Variants in NCOR2 observed in about 807,000 individuals in gnomAD.
NCOR2 encodes nuclear receptor corepressor 2, also known as CTG repeat protein 26.
A neutral mutation model predicts 262.9 loss-of-function variants in NCOR2; 81 were observed. The ratio of observed to expected loss-of-function variants is 0.31; its 90% confidence interval spans 0.26 to 0.37. NCOR2 has a LOEUF of 0.37. NCOR2 is among the 10% of genes least tolerant of loss of function. NCOR2 has a pLI of 1.00. For missense variants in NCOR2, 3,385 were observed against 3,621.4 expected (o/e 0.93, Z 1.68); for synonymous variants, 1,659 against 1,559.3 (o/e 1.06, Z -1.51).
At chr12:124,359,679 G>A (rs1566393890) in intron 22 of NCOR2, among the ~76,000 whole-genome samples, 1 of 152,244 alleles carries the variant, frequency 6.6e-6, no homozygotes, top group Admixed American at 6.5e-5. Context: ...AGTTGGGAGA[G>A]AGAGGAGGGG....
Position 124,449,896 on chromosome 12 carries a change from G to A in NCOR2, c.763-29C>T, listed in dbSNP as rs746774041. ...CAAAGGGAGAGAGAGAAGCACATCA[G>A]AGCCTGGCTGGCCACTCGCCACTAC... On this transcript the variant is annotated intron_variant, in intron 6 of 46. Coordinates refer to ENST00000405201, the Ensembl canonical transcript of NCOR2. The A allele has an allele frequency of 3.1e-6, 5 of 1,610,838 alleles. No individual in the cohort carries two copies. In the Admixed American group the frequency reaches 8.4e-5, roughly 27 times the overall value.
intron 44 of NCOR2, 171 bp from the exon 47 acceptor site, chr12:124,327,804 T>G: frequency 1.6e-6 from 1 of 607,260 alleles, no homozygotes; most frequent in Non-Finnish European, 2.9e-6. Context: ...TATTTCCCTA[T>G]CCCTCCCCAC....
At chr12:124,495,317 G>A, upstream of NCOR2, 2 of 1,529,306 alleles carry the variant, frequency 1.3e-6, no homozygotes, top group Non-Finnish European at 1.8e-6. This position sits in a 1 kb window ranked among gnomAD's most constrained non-coding sequence, Gnocchi z 4.4. Context: ...CACCACCAAG[G>A]ATTAAAAGCC....
intron 1 of NCOR2, among the ~76,000 whole-genome samples, chr12:124,492,495 C>T (rs2048142640): frequency 2.0e-5 from 3 of 152,142 alleles, no homozygotes; most frequent in African/African-American, 7.2e-5. Flanking sequence ...AGGAGGTAGG[C>T]CTGTCGGGAG....
chr12:124,556,167 G>A (rs1439932479), intron 1 of NCOR2: 3 of 152,480 alleles, frequency 2.0e-5, no homozygotes, highest in Non-Finnish European at 4.4e-5. Flanking sequence ...AGCAAGGGGT[G>A]GTCACGGCCA....
intron 20 of NCOR2, among the ~76,000 whole-genome samples, chr12:124,364,251 T>G (rs1397043216): frequency 6.6e-6 from 1 of 152,182 alleles, no homozygotes; most frequent in Non-Finnish European, 1.5e-5. Context: ...ATCAGCCCGA[T>G]TCAGGGACAG....
At chr12:124,563,344 G>A (rs537310653) in intron 1 of NCOR2, among the ~76,000 whole-genome samples, 1 of 152,366 alleles carries the variant, frequency 6.6e-6, no homozygotes, top group Admixed American at 6.5e-5. Context: ...GGGCAGGGCA[G>A]TGTGGAAGTG....
chr12:124,402,697 A>T (rs1475058005), intron 13 of NCOR2, 136 bp from the exon 16 acceptor site: 22 of 1,470,072 alleles, frequency 1.5e-5, no homozygotes, highest in Non-Finnish European at 1.9e-5. Flanking sequence ...AAGAGGTCAT[A>T]AACAACCGGG....
chr12:124,381,934 C>T (rs984859545), intron 17 of NCOR2, among the ~76,000 whole-genome samples: 4 of 152,238 alleles, frequency 2.6e-5, no homozygotes, highest in East Asian at 1.9e-4. Flanking sequence ...CCCGCCCGCC[C>T]GGCCGCCGGA....
chr12:124,502,143 G>A (rs1033664897), intron 1 of NCOR2, among the ~76,000 whole-genome samples: 4 of 152,222 alleles, frequency 2.6e-5, no homozygotes, highest in Non-Finnish European at 4.4e-5. Flanking sequence ...CCTGAGATGC[G>A]GAAAGCCGGT....
At chr12:124,336,867 G>C in exon 38 of NCOR2, 1 of 1,611,166 alleles carries the variant, frequency 6.2e-7, no homozygotes, top group South Asian at 1.1e-5. Flanking sequence ...GCGTGGTGAG[G>C]TGCGAGGTTC....
chr12:124,364,415 A>G (rs1030910006), intron 20 of NCOR2, among the ~76,000 whole-genome samples: 5 of 152,206 alleles, frequency 3.3e-5, no homozygotes, highest in Non-Finnish European at 4.4e-5. Context: ...TCTCCCACAC[A>G]CTATCCACGA....
intron 26 of NCOR2, 95 bp from the exon 29 acceptor site, chr12:124,354,291 A>T: frequency 7.7e-7 from 1 of 1,307,160 alleles, no homozygotes; most frequent in Non-Finnish European, 1.1e-6. Flanking sequence ...GAGACCCACA[A>T]GTTGTGCTAG....
chr12:124,380,401 C>T (rs1593292260), intron 17 of NCOR2, among the ~76,000 whole-genome samples: 1 of 152,376 alleles, frequency 6.6e-6, no homozygotes, highest in East Asian at 1.9e-4. Flanking sequence ...TTTCCGACAC[C>T]AACAGTCGGC....
At chr12:124,515,323 G>A (rs540029281) in intron 1 of NCOR2, among the ~76,000 whole-genome samples, 110 of 151,676 alleles carry the variant, frequency 7.3e-4, no homozygotes, top group African/African-American at 2.4e-3. Flanking sequence ...AGCTGAGATC[G>A]TGCCACTGCA....
intron 1 of NCOR2, among the ~76,000 whole-genome samples, chr12:124,516,767 C>T (rs977506721): frequency 2.0e-5 from 3 of 151,526 alleles, no homozygotes; most frequent in Non-Finnish European, 2.9e-5. Context: ...TAAATACCAT[C>T]GCCCTGAGAT....
At chr12:124,448,945 GC>G (rs2045356737) in intron 7 of NCOR2, among the ~76,000 whole-genome samples, 1 of 152,136 alleles carries the variant, frequency 6.6e-6, no homozygotes, top group Non-Finnish European at 1.5e-5. Context: ...ACATTCAACA[GC>G]TATGATCCTG....
rs1055710168 is a variant in NCOR2, at chr12:124,523,383, G to T, written c.-118+12182C>A. Reference sequence around the variant, plus strand: ...GGGAACCCACACCCCGGTGGCAGGGGCAGCGGCAGAGGAAAGAGGAGTGCC... The same window carrying T: ...GGGAACCCACACCCCGGTGGCAGGGTCAGCGGCAGAGGAAAGAGGAGTGCC... On this transcript the variant is annotated intron_variant, in intron 1 of 46. Transcript: ENST00000404621. The surrounding 1 kb of genome is among the most constrained non-coding windows in gnomAD (Gnocchi z 4.0). Among the ~76,000 whole-genome samples the T allele has an allele frequency of 1.3e-5, 2 of 152,162 alleles. No homozygotes were observed. The highest frequency in any genetic ancestry group is 2.9e-5 in the Non-Finnish European group (2 of 68,028).
chr12:124,388,811 G>A (rs1164023270), intron 16 of NCOR2: 4 of 1,298,796 alleles, frequency 3.1e-6, no homozygotes, highest in Non-Finnish European at 4.1e-6. Context: ...CGAGGCTGCT[G>A]GTTGGCGTCT....
Sources: allele counts gnomAD v4.1 joint callset (sites outside exome capture counted in the v4.1 genomes callset), GRCh38; gene constraint gnomAD v4.1.1; non-coding constraint Gnocchi (gnomAD v3.1); transcripts MANE v1.5; gene names NCBI Gene and HGNC (gene_info 2026-07-23, HGNC 2026-07-21).